Variants in MUSK observed in about 807,000 individuals in gnomAD.
MUSK encodes the protein muscle, skeletal receptor tyrosine-protein kinase.
MUSK carries 55 observed loss-of-function variants against 88.7 expected under a neutral mutation model. The ratio of observed to expected loss-of-function variants is 0.62; its 90% CI spans 0.50 to 0.78. The LOEUF (loss-of-function observed/expected upper bound fraction) is 0.78, where lower values mean the gene tolerates loss of function less well. MUSK is among the 30% of genes least tolerant of loss of function. The pLI, the probability that MUSK is intolerant of heterozygous loss-of-function variation, is 0.00. For missense variants in MUSK, 1,015 were observed against 1,074.3 expected, an observed-to-expected ratio of 0.94 and a Z score of 0.77; for synonymous variants, 387 against 391.9, an observed-to-expected ratio of 0.99 and a Z score of 0.15.
In MUSK at chr9:110,803,870, A is replaced by T. The variant is rs2078126805; in HGVS notation, c.*2882A>T. Among the ~76,000 whole-genome samples, 1 of 152,180 alleles carries T rather than the reference A, an allele frequency of 6.6e-6. No individual in the cohort carries two copies. Among genetic ancestry groups the T allele is most frequent in the African/African-American group, 2.4e-5 (1 of 41,446 alleles). ...GGTAGAATCATCATATACATTCAAAAAGGTAGACAAAAGAGAGACACTCAC... is the reference window on the plus strand; with the variant it reads ...GGTAGAATCATCATATACATTCAAATAGGTAGACAAAAGAGAGACACTCAC... On this transcript the variant is annotated 3_prime_UTR_variant, in exon 15 of 15. Transcript: ENST00000374448.
intron 2 of MUSK, among the ~76,000 whole-genome samples, chr9:110,683,124 C>A (rs535381390): frequency 2.0e-5 from 3 of 152,002 alleles, no homozygotes; most frequent in Non-Finnish European, 4.4e-5. Flanking sequence ...TCCCCCCGAT[C>A]CCTGTACTAC....
rs1032591474 is a variant in MUSK at position 110,682,922 on chromosome 9, C to A, written c.206+122C>A. 1.3e-5 allele frequency: 8 copies of A among 615,308 alleles called. No homozygotes were observed. The African/African-American group carries it at 1.5e-4, about 12-fold the overall frequency. 38.1% of individuals were successfully genotyped at this position (615,308 alleles called of 1,614,324 possible). ...ACAGGCATGCAATGTAAAATAAGTA[C>A]CTCATGGAGAATGGGGTATCCATCC... is the stretch of plus-strand genomic sequence containing the variant. On this transcript the variant is annotated intron_variant, in intron 2 of 14. Coordinates refer to ENST00000374448, the MANE Select transcript of MUSK (RefSeq NM_005592.4).
chr9:110,726,652 C>A (rs2076887835), intron 5 of MUSK, among the ~76,000 whole-genome samples: 1 of 152,050 alleles, frequency 6.6e-6, no homozygotes, highest in Non-Finnish European at 1.5e-5. Context: ...AGAATAAAGA[C>A]ACTTAATATC....
intron 5 of MUSK, among the ~76,000 whole-genome samples, chr9:110,712,827 A>C: frequency 6.6e-6 from 1 of 152,208 alleles, no homozygotes; most frequent in South Asian, 2.1e-4. Context: ...GATACAGACG[A>C]AAGAGAGATG....
intron 6 of MUSK, among the ~76,000 whole-genome samples, chr9:110,743,137 C>T (rs1352848573): frequency 6.6e-6 from 1 of 152,148 alleles, no homozygotes; most frequent in Non-Finnish European, 1.5e-5. Flanking sequence ...TGCCATAGCA[C>T]GCTGCTCAGT....
intron 3 of MUSK, among the ~76,000 whole-genome samples, chr9:110,690,319 AATATATATTTAAATATAAGTAT>A (rs2076322832): frequency 6.3e-5 from 6 of 94,866 alleles, no homozygotes; most frequent in South Asian, 3.4e-4. Context: ...TAAATATAGA[AATATATATTTAAATATAAGTAT>A]ATATATATTT....
chr9:110,689,562 A>C (rs1415344110), intron 3 of MUSK, among the ~76,000 whole-genome samples: 1 of 60,464 alleles, frequency 1.7e-5, no homozygotes, highest in Non-Finnish European at 2.9e-5. Context: ...TTTATATATT[A>C]TATATATTTA....
At chr9:110,787,498 AT>A in intron 13 of MUSK, among the ~76,000 whole-genome samples, 191 bp from the exon 14 acceptor site, 2 of 152,082 alleles carry the variant, frequency 1.3e-5, no homozygotes, top group South Asian at 4.2e-4. Flanking sequence ...AACACCAGTG[AT>A]TTTTATTAGT....
intron 1 of MUSK, among the ~76,000 whole-genome samples, chr9:110,680,822 A>G (rs2076098698): frequency 7.0e-6 from 1 of 143,516 alleles, no homozygotes; most frequent in Non-Finnish European, 1.5e-5. Context: ...CCCCTCTTTT[A>G]TTTTTCTCAA....
At chr9:110,735,653 C>G (rs2131843956) in intron 6 of MUSK, among the ~76,000 whole-genome samples, 2 of 152,096 alleles carry the variant, frequency 1.3e-5, no homozygotes, top group East Asian at 3.9e-4. Context: ...TCAGTTCTCG[C>G]ATCGCGATAA....
chr9:110,734,483 T>A (rs1300971799), intron 6 of MUSK, 108 bp downstream of exon 6: 3 of 1,385,236 alleles, frequency 2.2e-6, no homozygotes, highest in East Asian at 4.7e-5. Context: ...TGGTCTCACC[T>A]ACACCACTTT....
At chr9:110,736,997 T>C (rs190107488) in intron 6 of MUSK, among the ~76,000 whole-genome samples, 261 of 152,244 alleles carry the variant, frequency 1.7e-3, no homozygotes, top group African/African-American at 6.0e-3. Flanking sequence ...TATTAGACTC[T>C]TAAGGGCATG....
chr9:110,780,083 A>G (rs947382947), intron 11 of MUSK, among the ~76,000 whole-genome samples: 19 of 152,332 alleles, frequency 1.2e-4, no homozygotes, highest in African/African-American at 4.1e-4. Context: ...GCCATTTTCT[A>G]TTAATAGGAG....
At chr9:110,675,260 C>T (rs1385477782) in intron 1 of MUSK, among the ~76,000 whole-genome samples, 5 of 128,114 alleles carry the variant, frequency 3.9e-5, no homozygotes, top group African/African-American at 5.9e-5. Context: ...CTTGCACTGT[C>T]GCCCAGGCTG....
intron 5 of MUSK, among the ~76,000 whole-genome samples, chr9:110,703,540 T>G (rs542299828): frequency 6.6e-6 from 1 of 151,272 alleles, no homozygotes; most frequent in African/African-American, 2.4e-5. Context: ...AAAAAAAAAA[T>G]TAAATAAATA....
At chr9:110,699,546 T>G (rs2076474640) in intron 5 of MUSK, among the ~76,000 whole-genome samples, 1 of 152,270 alleles carries the variant, frequency 6.6e-6, no homozygotes, top group African/African-American at 2.4e-5. Flanking sequence ...AATAAATAGT[T>G]GAGGTATTTT....
intron 9 of MUSK, among the ~76,000 whole-genome samples, chr9:110,771,003 AG>A (rs1484096715): frequency 6.6e-6 from 1 of 151,872 alleles, no homozygotes; most frequent in Non-Finnish European, 1.5e-5. Context: ...TTTTTGAGGT[AG>A]TTAGTTGATA....
intron 5 of MUSK, among the ~76,000 whole-genome samples, chr9:110,730,101 T>A (rs562949924): frequency 9.3e-4 from 141 of 152,168 alleles, no homozygotes; most frequent in Non-Finnish European, 1.6e-3. Flanking sequence ...ATTTTGAATA[T>A]AGGATTCTCC....
intron 9 of MUSK, among the ~76,000 whole-genome samples, chr9:110,774,689 C>T (rs1327378512): frequency 2.6e-5 from 4 of 152,122 alleles, no homozygotes; most frequent in Non-Finnish European, 4.4e-5. Flanking sequence ...TTCTCCCTTA[C>T]GCACACCAAG....
Sources: allele counts gnomAD v4.1 joint callset (sites outside exome capture counted in the v4.1 genomes callset), GRCh38; gene constraint gnomAD v4.1.1; transcripts MANE v1.5; gene names NCBI Gene and HGNC (gene_info 2026-07-23, HGNC 2026-07-21).